FXYD6: variants seen among roughly 807,000 people sequenced by gnomAD.
FXYD6 encodes FXYD domain-containing ion transport regulator 6.
A neutral mutation model predicts 16.7 loss-of-function variants in FXYD6; 7 were observed. The ratio of observed to expected loss-of-function variants is 0.42; its 90% CI spans 0.24 to 0.79. FXYD6 has a LOEUF of 0.79. Among genes scored for constraint, FXYD6 ranks in the 30% least tolerant of loss-of-function variants. The probability of loss-of-function intolerance (pLI) is 0.28; values close to 1 mark genes in which losing one functional copy is unlikely to be tolerated. For synonymous variants in FXYD6, 49 were observed against 43.0 expected, an observed-to-expected ratio of 1.14 and a Z score of -0.54; for missense variants, 111 against 116.2, an observed-to-expected ratio of 0.95 and a Z score of 0.21.
chr11:117,868,061 G>A (rs1462520998), intron 1 of FXYD6, among the ~76,000 whole-genome samples: 2 of 152,272 alleles, frequency 1.3e-5, no homozygotes, highest in East Asian at 1.9e-4. Flanking sequence ...CTCCAAGAGC[G>A]CCTGTCGCCT....
intron 5 of FXYD6, 119 bp downstream of exon 5, chr11:117,841,029 C>G: frequency 7.5e-7 from 1 of 1,327,200 alleles, no homozygotes; most frequent in Non-Finnish European, 1.0e-6. Context: ...TCCCAACACA[C>G]ACGTTCTGCC....
chr11:117,849,450 G>A (rs937206113), intron 1 of FXYD6, among the ~76,000 whole-genome samples: 2 of 152,218 alleles, frequency 1.3e-5, no homozygotes, highest in South Asian at 2.1e-4. Context: ...TATTTCATAT[G>A]TGCTTGGAAA....
intron 1 of FXYD6, among the ~76,000 whole-genome samples, chr11:117,856,875 G>C (rs908253729): frequency 1.3e-5 from 2 of 152,124 alleles, no homozygotes; most frequent in African/African-American, 4.8e-5. Flanking sequence ...TAGGGGCAGG[G>C]CAGGGCTCAG....
chr11:117,842,350 G>A (rs979989321), intron 2 of FXYD6: 6 of 560,848 alleles, frequency 1.1e-5, no homozygotes, highest in South Asian at 2.1e-5. Flanking sequence ...CGGAGAAACC[G>A]AGACCAAGGA....
At chr11:117,855,463 T>A (rs549584679) in intron 1 of FXYD6, among the ~76,000 whole-genome samples, 29 of 152,238 alleles carry the variant, frequency 1.9e-4, no homozygotes, top group Admixed American at 1.4e-3. Context: ...CAGAATGCCT[T>A]TGTCTCACTG....
Position 117,858,005 on chromosome 11 carries a change from A to AT in FXYD6, c.-5-15225dup, listed in dbSNP as rs1372422093. Among the ~76,000 whole-genome samples, 33 of 152,258 alleles carry AT rather than the reference A, an allele frequency of 2.2e-4. No homozygotes were observed. In the East Asian group the frequency reaches 6.2e-3, roughly 28 times the overall value. ...TGGCCTTGGCTTTGGAATGTGTTTT[A>AT]TTTTTATGGGAATTAAGCCTCATAA... On this transcript the variant is annotated intron_variant, in intron 1 of 7. Coordinates refer to ENST00000526014, the MANE Select transcript of FXYD6 (RefSeq NM_022003.4).
At chr11:117,855,354 G>T (rs2056700655) in intron 1 of FXYD6, among the ~76,000 whole-genome samples, 1 of 152,158 alleles carries the variant, frequency 6.6e-6, no homozygotes, top group African/African-American at 2.4e-5. Context: ...GCGGGGAGGA[G>T]GGGGGCCTAA....
chr11:117,865,743 C>T (rs762520517), intron 1 of FXYD6, among the ~76,000 whole-genome samples: 11 of 152,178 alleles, frequency 7.2e-5, no homozygotes, highest in Non-Finnish European at 8.8e-5. Flanking sequence ...CTGGCCAACA[C>T]GGCGAAACTC....
At chr11:117,864,656 G>A (rs1001106174) in intron 1 of FXYD6, among the ~76,000 whole-genome samples, 12 of 151,814 alleles carry the variant, frequency 7.9e-5, no homozygotes, top group African/African-American at 1.7e-4. Context: ...GCTCAATCTC[G>A]GCTGACTGCA....
At chr11:117,862,685 T>C (rs748092878) in intron 1 of FXYD6, among the ~76,000 whole-genome samples, 1 of 152,100 alleles carries the variant, frequency 6.6e-6, no homozygotes, top group Non-Finnish European at 1.5e-5. Context: ...CCCTTCAGGG[T>C]ATCTCTCTAG....
At chr11:117,854,177 G>C (rs1306959078) in intron 1 of FXYD6, among the ~76,000 whole-genome samples, 2 of 152,184 alleles carry the variant, frequency 1.3e-5, no homozygotes, top group Admixed American at 6.5e-5. Flanking sequence ...GTGGAAGGTA[G>C]ATGAAACAAC....
rs758522478 is a variant in FXYD6, at chr11:117,841,197, G to T, written c.173-13C>A. 3 of 1,613,974 alleles carry T rather than the reference G, an allele frequency of 1.9e-6. No homozygotes were observed. The highest frequency in any genetic ancestry group is 2.7e-5 in the African/African-American group (2 of 74,894). ...TTGCACCTGCGACCTGAAAAGCAAA[G>T]AAACCATCCAAGGTCATGCTGCTGG... On this transcript the variant is annotated splice_polypyrimidine_tract_variant and intron_variant, in intron 4 of 7. Transcript: ENST00000526014.
rs749095530 is a variant in FXYD6, at chr11:117,842,769, A to G, written c.8T>C (p.Leu3Ser). 6 of 1,566,556 alleles carry G rather than the reference A, an allele frequency of 3.8e-6. No homozygotes were observed. Among genetic ancestry groups the G allele is most frequent in the Non-Finnish European group, 5.2e-6 (6 of 1,154,978 alleles). Residue 3 changes from leucine to serine, a missense_variant, in exon 2 of 8, where the codon TTG becomes TCG. Coordinates refer to ENST00000526014, the MANE Select transcript of FXYD6 (RefSeq NM_022003.4). ...CAGGCTGCAGAGGAAGACCAGCACC[A>G]ACTCCATGGCGTCTGGGGACAGAGG... The part of the protein sequence containing the change: ME[L>S]VLVFLCSLLA...
At chr11:117,841,120 C>T (rs757297844) in intron 5 of FXYD6, 28 bp downstream of exon 5, 8 of 1,613,912 alleles carry the variant, frequency 5.0e-6, no homozygotes, top group Middle Eastern at 1.6e-4. Flanking sequence ...GTATCACCCC[C>T]CCAAGGCCAC....
intron 1 of FXYD6, chr11:117,843,674 A>G (rs1341796302): frequency 6.6e-6 from 1 of 152,148 alleles, no homozygotes; most frequent in Non-Finnish European, 1.5e-5. Flanking sequence ...AAAGTCCCCA[A>G]GTCAGCTCTT....
Position 117,870,005 on chromosome 11 carries a change from T to A in FXYD6, c.-6+6587A>T, listed in dbSNP as rs1265711522. Among the ~76,000 whole-genome samples the A allele has an allele frequency of 1.3e-5, 2 of 152,214 alleles. No homozygotes were observed. Among genetic ancestry groups the A allele is most frequent in the African/African-American group, 4.8e-5 (2 of 41,450 alleles). ...CCCCATTCTCTGGGCCCCAGCCTGGTCCGTGGGGCCCCAGCCCCCTTCCCA... is the reference window on the plus strand; with the variant it reads ...CCCCATTCTCTGGGCCCCAGCCTGGACCGTGGGGCCCCAGCCCCCTTCCCA... On this transcript the variant is annotated intron_variant, in intron 1 of 7. Coordinates refer to ENST00000526014, the MANE Select transcript of FXYD6 (RefSeq NM_022003.4). This position sits in a 1 kb window ranked among gnomAD's most constrained non-coding sequence, Gnocchi z 4.2.
intron 1 of FXYD6, among the ~76,000 whole-genome samples, chr11:117,873,686 G>A (rs952771923): frequency 1.3e-5 from 2 of 152,162 alleles, no homozygotes; most frequent in African/African-American, 4.8e-5. Context: ...CATCCAGATG[G>A]CGGCCGACTA....
chr11:117,864,835 T>C (rs1191160123), intron 1 of FXYD6, among the ~76,000 whole-genome samples: 1 of 152,196 alleles, frequency 6.6e-6, no homozygotes, highest in African/African-American at 2.4e-5. Flanking sequence ...TCCGCAGGCC[T>C]CGGCCTCCCA....
chr11:117,867,227 T>C (rs1810847417), intron 1 of FXYD6, among the ~76,000 whole-genome samples: 1 of 152,208 alleles, frequency 6.6e-6, no homozygotes, highest in Non-Finnish European at 1.5e-5. Context: ...CCTAATGCTT[T>C]CCAGCACTTC....
Sources: allele counts gnomAD v4.1 joint callset (sites outside exome capture counted in the v4.1 genomes callset), GRCh38; gene constraint gnomAD v4.1.1; non-coding constraint Gnocchi (gnomAD v3.1); transcripts MANE v1.5; gene names NCBI Gene and HGNC (gene_info 2026-07-23, HGNC 2026-07-21).